MBTPS1: variants seen among roughly 807,000 people sequenced by gnomAD.
The protein encoded by MBTPS1 is membrane-bound transcription factor site-1 protease.
In MBTPS1, 94 loss-of-function variants were observed where a neutral mutation model predicts 127.8. The ratio of observed to expected loss-of-function variants is 0.74; its 90% CI spans 0.62 to 0.87. The LOEUF is 0.87. Among genes scored for constraint, MBTPS1 ranks in the 40% least tolerant of loss-of-function variants. The pLI, the probability that MBTPS1 is intolerant of heterozygous loss-of-function variation, is 0.00. For missense variants in MBTPS1, 1,636 were observed against 1,353.2 expected, an observed-to-expected ratio of 1.21 and a Z score of -3.28; for synonymous variants, 632 against 509.4, an observed-to-expected ratio of 1.24 and a Z score of -3.24.
At chr16:84,103,314 C>T (rs1366734956) in intron 1 of MBTPS1, among the ~76,000 whole-genome samples, 3 of 149,140 alleles carry the variant, frequency 2.0e-5, no homozygotes, top group South Asian at 2.1e-4. Context: ...GAGTGGGTGG[C>T]GCAATCTCTG....
chr16:84,112,964 G>C (rs1203467388), intron 1 of MBTPS1, among the ~76,000 whole-genome samples: 1 of 119,932 alleles, frequency 8.3e-6, no homozygotes, highest in African/African-American at 3.2e-5. Flanking sequence ...GACAGAGCGA[G>C]ATGCCATCTC....
intron 1 of MBTPS1, among the ~76,000 whole-genome samples, chr16:84,108,147 A>T (rs1240759311): frequency 6.6e-6 from 1 of 151,948 alleles, no homozygotes; most frequent in Non-Finnish European, 1.5e-5. Context: ...TACAATGCAA[A>T]CCCGATGGGC....
intron 4 of MBTPS1, among the ~76,000 whole-genome samples, chr16:84,094,231 C>A (rs933138924): frequency 6.6e-6 from 1 of 152,032 alleles, no homozygotes; most frequent in South Asian, 2.1e-4. Flanking sequence ...CCCTGCAAAA[C>A]ACTCACAAAC....
At position 84,066,592 on chromosome 16, in the gene MBTPS1, G is replaced by A. The variant is rs768247179; in HGVS notation, c.2250C>T (p.Thr750=). 28 of 1,613,904 alleles carry A rather than the reference G, an allele frequency of 1.7e-5. No homozygotes were observed. The highest frequency in any genetic ancestry group is 6.7e-5 in the Admixed American group (4 of 60,000). The change falls in exon 17 of 23, where the codon ACC becomes ACT. Residue 750 remains threonine, a synonymous_variant. Transcript: ENST00000343411. The part of the protein sequence containing the change: ...ENTRQWWMPD[T]GGANIPALNE... ...TCAGAGCTGGGATGTTAGCTCCTCC[G>A]GTATCCGGCATCCACCACTGCCTGG...
chr16:84,070,741 G>T lies in MBTPS1; in HGVS notation c.1629C>A (p.Asp543Glu). 1 of 1,613,682 alleles carries T rather than the reference G, an allele frequency of 6.2e-7. No homozygotes were observed. Among genetic ancestry groups the T allele is most frequent in the South Asian group, 1.1e-5 (1 of 91,032 alleles). Residue 543 changes from aspartate to glutamate, a missense_variant, in exon 13 of 23, where the codon GAC becomes GAA. By Grantham distance (45) the Asp-to-Glu change is conservative. Coordinates refer to ENST00000343411, the MANE Select transcript of MBTPS1 (RefSeq NM_003791.4). ...AGTAGGAGAAGGCAACTTCAATGTTGTCTCCGTTCTGTGGCAAATAGGGCT... is the reference window on the plus strand; with the variant it reads ...AGTAGGAGAAGGCAACTTCAATGTTTTCTCCGTTCTGTGGCAAATAGGGCT... ...DWQPYLPQNG[D>E]NIEVAFSYSS...
At chr16:84,087,052 C>G (rs967365336) in intron 9 of MBTPS1, among the ~76,000 whole-genome samples, 4 of 152,070 alleles carry the variant, frequency 2.6e-5, no homozygotes, top group Non-Finnish European at 2.9e-5. Flanking sequence ...CGGGCAGGAA[C>G]CCAATTCACC....
chr16:84,080,341 A>C (rs932920327), intron 11 of MBTPS1, among the ~76,000 whole-genome samples: 1 of 152,248 alleles, frequency 6.6e-6, no homozygotes, highest in Non-Finnish European at 1.5e-5. Context: ...AGGAGTAATC[A>C]CCAAAGGCAA....
At chr16:84,077,582 C>T (rs2085879307) in intron 11 of MBTPS1, among the ~76,000 whole-genome samples, 1 of 152,128 alleles carries the variant, frequency 6.6e-6, no homozygotes, top group South Asian at 2.1e-4. Flanking sequence ...AAACAATACA[C>T]AAAAATTAAC....
chr16:84,091,884 A>C (rs1331295307), intron 6 of MBTPS1, 36 bp from the exon 7 acceptor site: 1 of 1,228,860 alleles, frequency 8.1e-7, no homozygotes, highest in Admixed American at 1.7e-5. Context: ...TTAGTGTTTC[A>C]ATCAAGTTTT....
At chr16:84,092,944 G>A (rs1054164153) in intron 6 of MBTPS1, among the ~76,000 whole-genome samples, 2 of 152,210 alleles carry the variant, frequency 1.3e-5, no homozygotes, top group African/African-American at 4.8e-5. Flanking sequence ...TCAAAGAATC[G>A]TCGTAAGTAG....
In MBTPS1 at chr16:84,083,824, T is replaced by G. The variant is rs183220897; in HGVS notation, c.1286+1159A>C. ...AGATAGAAGAAGTACAATTTATTTTTGGGGAAAATACAGTAACAAGATAAA... is the reference window on the plus strand; with the variant it reads ...AGATAGAAGAAGTACAATTTATTTTGGGGGAAAATACAGTAACAAGATAAA... On this transcript the variant is annotated intron_variant, in intron 10 of 22. Coordinates refer to ENST00000343411, the MANE Select transcript of MBTPS1 (RefSeq NM_003791.4). 3.3e-3 allele frequency among the ~76,000 whole-genome samples: 498 copies of G among 152,356 alleles called. 3 individuals carry two copies. Among genetic ancestry groups the G allele is most frequent in the African/African-American group, 0.011 (456 of 41,586 alleles).
chr16:84,056,323 G>A (rs1453821110), intron 21 of MBTPS1, 188 bp from the exon 22 acceptor site: 2 of 533,564 alleles, frequency 3.7e-6, no homozygotes, highest in East Asian at 3.1e-5. Context: ...ACGTCCCGAG[G>A]GAGAAAGATC....
chr16:84,107,985 C>T (rs2086347657), intron 1 of MBTPS1, among the ~76,000 whole-genome samples: 7 of 150,556 alleles, frequency 4.6e-5, no homozygotes. Flanking sequence ...GGATTATAGG[C>T]ATGAGCCACT....
intron 3 of MBTPS1, among the ~76,000 whole-genome samples, chr16:84,097,522 T>C (rs897725076): frequency 6.6e-6 from 1 of 152,158 alleles, no homozygotes; most frequent in African/African-American, 2.4e-5. Context: ...GCAGTGGAGA[T>C]GGTGTCCATG....
chr16:84,093,271 C>T lies in MBTPS1; in HGVS notation c.763G>A (p.Gly255Ser), dbSNP rs2086135023. The change falls in exon 6 of 23, where the codon GGT becomes AGT. Residue 255 changes from glycine (G) to serine (S), a missense_variant. Gly to Ser is a moderately conservative substitution (Grantham distance 56). Coordinates refer to ENST00000343411, the MANE Select transcript of MBTPS1 (RefSeq NM_003791.4). Reference protein sequence around the residue: ...DGLGHGTFVAGVIASMRECQG... With the variant: ...DGLGHGTFVASVIASMRECQG... ...CACTCCCTCATGCTGGCTATCACACCTGCCACGAATGTGCCATGGCCCAAC... is the reference window on the plus strand; with the variant it reads ...CACTCCCTCATGCTGGCTATCACACTTGCCACGAATGTGCCATGGCCCAAC... The T allele has an allele frequency of 6.2e-7, 1 of 1,613,862 alleles. No individual in the cohort carries two copies.
chr16:84,084,915 T>C, intron 10 of MBTPS1, 68 bp downstream of exon 10: 1 of 1,541,582 alleles, frequency 6.5e-7, no homozygotes, highest in Non-Finnish European at 8.8e-7. Context: ...ACACGACTCC[T>C]GCTCTGCTGG....
rs2086124118 is a variant in MBTPS1 at position 84,092,556 on chromosome 16, G to A, written c.846+632C>T. Among the ~76,000 whole-genome samples, 3 of 152,184 alleles carry A rather than the reference G, an allele frequency of 2.0e-5. No homozygotes were observed. The South Asian group carries it at 6.2e-4, about 32-fold the overall frequency. ...TCACACAGGACACACGGGCCAGTGAGGAAAGAACCTGCTGGACGGGGACAG... is the reference window on the plus strand; with the variant it reads ...TCACACAGGACACACGGGCCAGTGAAGAAAGAACCTGCTGGACGGGGACAG... On this transcript the variant is annotated intron_variant, in intron 6 of 22. Transcript: ENST00000343411.
At chr16:84,101,529 G>A in intron 2 of MBTPS1, 92 bp downstream of exon 2, 2 of 1,117,556 alleles carry the variant, frequency 1.8e-6, no homozygotes, top group Non-Finnish European at 2.5e-6. Context: ...GTAGAAAAGA[G>A]GAACATGTTA....
rs749752600 is a variant in MBTPS1 at position 84,095,718 on chromosome 16, C to A, written c.509G>T (p.Gly170Val). The A allele has an allele frequency of 3.1e-6, 5 of 1,614,128 alleles. No homozygotes were observed. Among genetic ancestry groups the A allele is most frequent in the African/African-American group, 1.3e-5 (1 of 74,942 alleles). ...RPLRRASLSL[G>V]SGFWHATGRH... is the part of the protein sequence containing the mutation. ...TCCCGTAGCATGCCAGAAGCCAGAGCCCAGGGAGAGGCTGGCTCTTCGCAG... is the reference window on the plus strand; with the variant it reads ...TCCCGTAGCATGCCAGAAGCCAGAGACCAGGGAGAGGCTGGCTCTTCGCAG... The change falls in exon 4 of 23, where the codon GGC becomes GTC. Residue 170 changes from glycine to valine, a missense_variant. Gly to Val is a moderately radical substitution (Grantham distance 109). Coordinates refer to ENST00000343411, the MANE Select transcript of MBTPS1 (RefSeq NM_003791.4).
Sources: allele counts gnomAD v4.1 joint callset (sites outside exome capture counted in the v4.1 genomes callset), GRCh38; gene constraint gnomAD v4.1.1; transcripts MANE v1.5; gene names NCBI Gene and HGNC (gene_info 2026-07-23, HGNC 2026-07-21).